GSTA5: variants seen among roughly 807,000 people sequenced by gnomAD.
GSTA5 encodes glutathione S-transferase alpha 5.
In GSTA5, 25 loss-of-function variants were observed where a neutral mutation model predicts 21.8. The observed-to-expected ratio is 1.14, with a 90% CI of 0.83 to 1.60. GSTA5 has a LOEUF of 1.60. Among genes scored for constraint, GSTA5 ranks in the 40% most tolerant of loss-of-function variants. The pLI, the probability that GSTA5 is intolerant of heterozygous loss-of-function variation, is 0.00. For missense variants in GSTA5, 330 were observed against 259.2 expected (o/e 1.27, Z -1.88); for synonymous variants, 102 against 89.5 (o/e 1.14, Z -0.78).
Position 52,836,377 on chromosome 6 carries a change from GA to G in GSTA5, c.140-10del, listed in dbSNP as rs750856854. The stretch of plus-strand genomic sequence containing the variant: ...GAACAGCAAACTCCCATCTTAGAAA[GA>G]AGAAAAAAAAAGGAGTATGAAGTGT... On this transcript the variant is annotated splice_polypyrimidine_tract_variant and intron_variant, in intron 2 of 5. Coordinates refer to ENST00000370989, the Ensembl canonical transcript of GSTA5. 1.3e-6 allele frequency: 2 copies of G among 1,595,666 alleles called. No homozygotes were observed. The highest frequency in any genetic ancestry group is 2.2e-5 in the East Asian group (1 of 44,738).
chr6:52,840,050 G>C (rs1283748758), intron 1 of GSTA5, among the ~76,000 whole-genome samples: 1 of 152,136 alleles, frequency 6.6e-6, no homozygotes, highest in Non-Finnish European at 1.5e-5. Context: ...TAGGTAGTTT[G>C]TTACAATCCA....
At chr6:52,836,732 G>A (rs1195107063) in intron 2 of GSTA5, among the ~76,000 whole-genome samples, 2 of 152,092 alleles carry the variant, frequency 1.3e-5, no homozygotes, top group African/African-American at 2.4e-5. Flanking sequence ...AACTGGTCTC[G>A]AACTCCTGAC....
At chr6:52,832,062 A>G in intron 5 of GSTA5, 92 bp from the exon 6 acceptor site, 1 of 1,521,440 alleles carries the variant, frequency 6.6e-7, no homozygotes, top group Non-Finnish European at 8.8e-7. Context: ...CATGCCAAAG[A>G]CCAAGCGAGT....
At chr6:52,845,234 T>C (rs2397125), upstream of GSTA5, among the ~76,000 whole-genome samples, 149,833 of 152,236 alleles carry the variant, frequency 0.98, 73,783 homozygotes, top group East Asian at 1. Flanking sequence ...TGGGGCACAT[T>C]GGTAACATAG....
chr6:52,837,616 G>A lies in GSTA5; in HGVS notation c.88-7C>T, dbSNP rs1304374176. The A allele has an allele frequency of 6.2e-7, 1 of 1,600,872 alleles. No individual in the cohort carries two copies. Among genetic ancestry groups the A allele is most frequent in the Non-Finnish European group, 8.6e-7 (1 of 1,168,692 alleles). ...CTAGAAATTTCTCTTCCAACTGGAA[G>A]CAGAAACAGTAAATGGGTTCTTCTT... On this transcript the variant is annotated splice_polypyrimidine_tract_variant and splice_region_variant and intron_variant, in intron 1 of 5. Transcript: ENST00000370989.
Position 52,834,299 on chromosome 6 carries a change from A to C in GSTA5, c.273-17T>G. On this transcript the variant is annotated splice_polypyrimidine_tract_variant and intron_variant, in intron 3 of 5. Transcript: ENST00000370989. ...ATATCAATCCTGAAAGACAAAAACA[A>C]CCAAACCATCAAATGCCTTTTGCCT... 6.3e-7 allele frequency: 1 copy of C among 1,596,862 alleles called. No individual in the cohort carries two copies. The highest frequency in any genetic ancestry group is 8.5e-7 in the Non-Finnish European group (1 of 1,172,428).
At chr6:52,846,225 A>T in the GSTA5 span, 55 of 167,380 alleles carry the variant, frequency 3.3e-4, no homozygotes, top group Non-Finnish European at 5.5e-4. Flanking sequence ...CACCTACTGG[A>T]TTCTAAGACA....
chr6:52,839,526 C>A (rs918637136), intron 1 of GSTA5, among the ~76,000 whole-genome samples: 13 of 152,196 alleles, frequency 8.5e-5, no homozygotes, highest in Admixed American at 5.9e-4. Flanking sequence ...CGTGAAGCAA[C>A]GCACAAAGTA....
upstream of GSTA5, among the ~76,000 whole-genome samples, chr6:52,844,767 C>T (rs1235592321): frequency 6.6e-6 from 1 of 152,182 alleles, no homozygotes; most frequent in African/African-American, 2.4e-5. Flanking sequence ...ATAGTAGGAA[C>T]TCAGCAATGG....
intron 1 of GSTA5, among the ~76,000 whole-genome samples, chr6:52,840,296 C>T (rs528583884): frequency 6.6e-6 from 1 of 152,222 alleles, no homozygotes; most frequent in South Asian, 2.1e-4. Flanking sequence ...CCAAAGAAAT[C>T]CCAGATCCAT....
At chr6:52,845,864 T>A in the GSTA5 span, among the ~76,000 whole-genome samples, 1 of 152,224 alleles carries the variant, frequency 6.6e-6, no homozygotes. Flanking sequence ...TCTTCATTTT[T>A]ACATTTCTGT....
At chr6:52,840,860 A>G (rs1465328444), upstream of GSTA5, 14 of 1,505,024 alleles carry the variant, frequency 9.3e-6, no homozygotes, top group Non-Finnish European at 1.3e-5. Flanking sequence ...GAATGAATGA[A>G]TAATTGAAAC....
chr6:52,841,551 T>C (rs536958555), upstream of GSTA5, among the ~76,000 whole-genome samples: 6 of 152,362 alleles, frequency 3.9e-5, no homozygotes, highest in South Asian at 2.1e-4. Flanking sequence ...AGAATGCTAA[T>C]ACCTTGCTTC....
chr6:52,837,633 G>C, intron 1 of GSTA5, 24 bp from the exon 2 acceptor site: 1 of 1,534,018 alleles, frequency 6.5e-7, no homozygotes, highest in Non-Finnish European at 9.0e-7. Context: ...CAGTAAATGG[G>C]TTCTTCTTAG....
chr6:52,831,765 A>G, exon 6 of GSTA5: 1 of 1,513,680 alleles, frequency 6.6e-7, no homozygotes, highest in Non-Finnish European at 9.0e-7. Flanking sequence ...CAAGAGGCAC[A>G]ATCCACACTT....
chr6:52,840,707 T>C lies in GSTA5; in HGVS notation c.87+20A>G. 1 of 1,606,878 alleles carries C rather than the reference T, an allele frequency of 6.2e-7. No individual in the cohort carries two copies. The highest frequency in any genetic ancestry group is 2.2e-5 in the East Asian group (1 of 44,846). On this transcript the variant is annotated intron_variant, in intron 1 of 5. Transcript: ENST00000370989. ...ACGCAATTTTAAATCCAACTTAAGA[T>C]GACCTTACTCAGAACCTACCTCTAC...
At chr6:52,836,247 C>T (rs1581816450) in exon 3 of GSTA5, 1 of 1,613,404 alleles carries the variant, frequency 6.2e-7, no homozygotes, top group Non-Finnish European at 8.5e-7. Flanking sequence ...GGGCTCTCTC[C>T]TTCATGTCTT....
chr6:52,836,396 T>C, intron 2 of GSTA5, 28 bp from the exon 3 acceptor site: 3 of 1,610,218 alleles, frequency 1.9e-6, no homozygotes, highest in Non-Finnish European at 2.5e-6. Flanking sequence ...AAAAGGAGTA[T>C]GAAGTGTCTA....
intron 2 of GSTA5, 127 bp from the exon 3 acceptor site, chr6:52,836,495 C>A (rs1764296232): frequency 2.1e-6 from 2 of 953,706 alleles, no homozygotes; most frequent in South Asian, 3.3e-5. Flanking sequence ...GTTAAGTTTT[C>A]ACTTGAAACA....
Sources: gnomAD v4.1 joint callset for allele counts (sites outside exome capture counted in the v4.1 genomes callset) on GRCh38, gnomAD v4.1.1 for gene constraint, MANE v1.5 for transcripts, NCBI Gene and HGNC (gene_info 2026-07-23, HGNC 2026-07-21) for gene names.